The following SYNDIG1 variants were observed in gnomAD, a reference collection of about 807,000 sequenced individuals.
The protein encoded by SYNDIG1 is synapse differentiation inducing 1, also known as synapse differentiation-inducing gene protein 1.
A neutral mutation model predicts 19.4 loss-of-function variants in SYNDIG1; 9 were observed. That is an observed-to-expected ratio of 0.46 (90% CI 0.28 to 0.81). The LOEUF is 0.81. Ranked by LOEUF, SYNDIG1 falls within the 30% of genes least tolerant of loss-of-function variation. The pLI is 0.12. For synonymous variants in SYNDIG1, 141 were observed against 145.9 expected (o/e 0.97, Z 0.24); for missense variants, 311 against 343.3 (o/e 0.91, Z 0.74).
chr20:24,564,794 G>C (rs1352167248), intron 2 of SYNDIG1, among the ~76,000 whole-genome samples: 1 of 152,094 alleles, frequency 6.6e-6, no homozygotes, highest in African/African-American at 2.4e-5. Flanking sequence ...GGGCTCATCT[G>C]TATTGAAGAA....
chr20:24,548,638 A>G (rs182625709), intron 2 of SYNDIG1, among the ~76,000 whole-genome samples: 1 of 152,348 alleles, frequency 6.6e-6, no homozygotes, highest in East Asian at 1.9e-4. Flanking sequence ...TATTTTTAGT[A>G]TCTCCAGAGA....
At chr20:24,664,090 A>G (rs1395510703) in intron 3 of SYNDIG1, among the ~76,000 whole-genome samples, 2 of 152,026 alleles carry the variant, frequency 1.3e-5, no homozygotes, top group Non-Finnish European at 2.9e-5. Flanking sequence ...GTTGGGGAGG[A>G]AAAAAATAAA....
At chr20:24,646,664 G>A (rs1280472460) in intron 3 of SYNDIG1, among the ~76,000 whole-genome samples, 4 of 151,110 alleles carry the variant, frequency 2.6e-5, no homozygotes, top group East Asian at 1.9e-4. Flanking sequence ...CTCTGTCACC[G>A]AGGCTGGAGT....
At chr20:24,548,594 G>C (rs1187132154) in intron 2 of SYNDIG1, among the ~76,000 whole-genome samples, 1 of 152,248 alleles carries the variant, frequency 6.6e-6, no homozygotes, top group Non-Finnish European at 1.5e-5. Context: ...GAAAGAGAAA[G>C]AGTTCAGAAA....
intron 2 of SYNDIG1, among the ~76,000 whole-genome samples, chr20:24,566,075 G>C (rs968930630): frequency 1.3e-5 from 2 of 152,226 alleles, no homozygotes; most frequent in Admixed American, 1.3e-4. Context: ...GGAGCAGTGA[G>C]TGAGTGGGGA....
chr20:24,593,394 T>C (rs1004114932), intron 3 of SYNDIG1, among the ~76,000 whole-genome samples: 1 of 152,246 alleles, frequency 6.6e-6, no homozygotes, highest in African/African-American at 2.4e-5. Flanking sequence ...TTTGTAGCTA[T>C]GTAGTATTCC....
intron 2 of SYNDIG1, among the ~76,000 whole-genome samples, chr20:24,579,214 A>C (rs1230955718): frequency 1.3e-5 from 2 of 152,206 alleles, no homozygotes; most frequent in Non-Finnish European, 2.9e-5. Context: ...TGCAAGGAAT[A>C]GTCTTTGCTG....
At chr20:24,552,332 GT>G (rs2057721457) in intron 2 of SYNDIG1, among the ~76,000 whole-genome samples, 1 of 152,096 alleles carries the variant, frequency 6.6e-6, no homozygotes, top group Non-Finnish European at 1.5e-5. Flanking sequence ...TATACTTTAA[GT>G]TTTAGGGTAC....
At chr20:24,501,683 CAG>C (rs1485616550) in intron 1 of SYNDIG1, among the ~76,000 whole-genome samples, 5 of 152,212 alleles carry the variant, frequency 3.3e-5, no homozygotes, top group Non-Finnish European at 5.9e-5. Context: ...GTCCATGTCA[CAG>C]GGGGTTATTA....
intron 3 of SYNDIG1, among the ~76,000 whole-genome samples, chr20:24,663,691 G>A (rs2059623915): frequency 6.6e-6 from 1 of 152,208 alleles, no homozygotes; most frequent in East Asian, 1.9e-4. Flanking sequence ...AGCCCGGCAT[G>A]GGTGTTCCCA....
chr20:24,490,338 A>T (rs2056111166), intron 1 of SYNDIG1, among the ~76,000 whole-genome samples: 2 of 152,298 alleles, frequency 1.3e-5, no homozygotes, highest in Middle Eastern at 3.4e-3. Context: ...TGCCTTGCCT[A>T]TGAGCCCATG....
intron 3 of SYNDIG1, among the ~76,000 whole-genome samples, chr20:24,602,081 C>A (rs1355385503): frequency 6.6e-6 from 1 of 152,024 alleles, no homozygotes; most frequent in Admixed American, 6.6e-5. Flanking sequence ...CACCTGCCAA[C>A]ACTTCCAAGC....
intron 1 of SYNDIG1, among the ~76,000 whole-genome samples, chr20:24,496,722 T>C (rs943397718): frequency 6.6e-6 from 1 of 152,232 alleles, no homozygotes; most frequent in Non-Finnish European, 1.5e-5. Context: ...ACTAGTTTCC[T>C]TTCCCAGATC....
At chr20:24,493,500 C>A (rs2056215078) in intron 1 of SYNDIG1, among the ~76,000 whole-genome samples, 1 of 152,254 alleles carries the variant, frequency 6.6e-6, no homozygotes, top group African/African-American at 2.4e-5. Context: ...TGCACACATG[C>A]AGGTACACAC....
At chr20:24,484,218 G>C (rs537702519) in intron 1 of SYNDIG1, among the ~76,000 whole-genome samples, 40 of 152,224 alleles carry the variant, frequency 2.6e-4, no homozygotes, top group African/African-American at 9.6e-4. Flanking sequence ...GGTCGGCTGG[G>C]CGTGTTCAGC....
intron 3 of SYNDIG1, among the ~76,000 whole-genome samples, chr20:24,591,926 C>A (rs1455336745): frequency 1.3e-5 from 2 of 152,158 alleles, no homozygotes; most frequent in Non-Finnish European, 2.9e-5. Flanking sequence ...TACAAATACC[C>A]ACATAGGGAA....
chr20:24,575,396 C>T (rs1226861428), intron 2 of SYNDIG1, among the ~76,000 whole-genome samples: 2 of 152,224 alleles, frequency 1.3e-5, no homozygotes, highest in Admixed American at 1.3e-4. Flanking sequence ...CCCAGAGAGT[C>T]TGTTTGCAAA....
At chr20:24,545,841 G>A (rs966769568) in intron 2 of SYNDIG1, among the ~76,000 whole-genome samples, 2 of 152,102 alleles carry the variant, frequency 1.3e-5, no homozygotes, top group Non-Finnish European at 2.9e-5. Flanking sequence ...TCATAATAAC[G>A]GTGCCTACTC....
At chr20:24,482,073 G>A (rs6049720) in intron 1 of SYNDIG1, among the ~76,000 whole-genome samples, 3,642 of 152,236 alleles carry the variant, frequency 0.024, 166 homozygotes, top group African/African-American at 0.083. Flanking sequence ...GAGCAAATAA[G>A]AAAACACAAA....
Sources: allele counts gnomAD v4.1 joint callset (sites outside exome capture counted in the v4.1 genomes callset), GRCh38; gene constraint gnomAD v4.1.1; transcripts MANE v1.5; gene names NCBI Gene and HGNC (gene_info 2026-07-23, HGNC 2026-07-21).